Variants in RXRB observed in about 807,000 individuals in gnomAD.
RXRB encodes the protein retinoid X receptor beta, also known as retinoic acid receptor RXR-beta.
RXRB carries 18 observed loss-of-function variants against 52.5 expected under a neutral mutation model. That is an observed-to-expected ratio of 0.34 (90% confidence interval 0.24 to 0.51). The LOEUF (loss-of-function observed/expected upper bound fraction) is 0.51. RXRB is among the 20% of genes least tolerant of loss of function. The pLI, the probability that RXRB is intolerant of heterozygous loss-of-function variation, is 0.97. For synonymous variants in RXRB, 233 were observed against 267.1 expected (o/e 0.87, Z 1.25); for missense variants, 455 against 698.2 (o/e 0.65, Z 3.92).
upstream of RXRB, chr6:33,200,740 GCCTCGCCCAC>G: frequency 6.5e-7 from 1 of 1,544,140 alleles, no homozygotes; most frequent in South Asian, 1.2e-5. The surrounding 1 kb of genome is among the most constrained non-coding windows in gnomAD (Gnocchi z 6.3). Flanking sequence ...CTGTTAGCCC[GCCTCGCCCAC>G]CCTCCCCTCA....
rs778846229 is a variant in RXRB, at chr6:33,195,525, C to G, written c.1256+45G>C. 6 of 1,612,982 alleles carry G rather than the reference C, an allele frequency of 3.7e-6. No homozygotes were observed. The highest frequency in any genetic ancestry group is 3.4e-6 in the Non-Finnish European group (4 of 1,179,994). On this transcript the variant is annotated intron_variant, in intron 7 of 9. Coordinates refer to ENST00000374680, the MANE Select transcript of RXRB (RefSeq NM_021976.5). The surrounding 1 kb of genome is among the most constrained non-coding windows in gnomAD (Gnocchi z 8.6). ...CCTTGGACACGGACCAGCCTATAGC[C>G]CCACCCCCTCTATCTACATGCCAGC...
At chr6:33,198,622 G>A in intron 2 of RXRB, 158 bp from the exon 3 acceptor site, 2 of 761,688 alleles carry the variant, frequency 2.6e-6, no homozygotes, top group South Asian at 1.4e-5. Context: ...GCCATCCCTG[G>A]AGCACAACCC....
rs377199500 is a variant in RXRB, at chr6:33,195,867, G to A, written c.1123+40C>T. 1.8e-5 allele frequency: 29 copies of A among 1,610,650 alleles called. No homozygotes were observed. The highest frequency in any genetic ancestry group is 2.4e-5 in the Non-Finnish European group (28 of 1,179,414). On this transcript the variant is annotated intron_variant, in intron 6 of 9. Coordinates refer to ENST00000374680, the MANE Select transcript of RXRB (RefSeq NM_021976.5). This position sits in a 1 kb window ranked among gnomAD's most constrained non-coding sequence, Gnocchi z 8.6. The stretch of plus-strand genomic sequence containing the variant: ...CTAAAGATCGGGAAGTCAAAGAGGG[G>A]TCAAATGTCAAGAAGTCAAAGGGAT...
In RXRB at chr6:33,196,333, A is replaced by G; in HGVS notation, c.993+101T>C. On this transcript the variant is annotated intron_variant, in intron 5 of 9. Transcript: ENST00000374680. This position sits in a 1 kb window ranked among gnomAD's most constrained non-coding sequence, Gnocchi z 4.0. The stretch of plus-strand genomic sequence containing the variant: ...ACCTCCAGTCCCAAGTAGTGTTAGG[A>G]AGGTTATGAGGGGAAAGGAGGGGGA... The G allele has an allele frequency of 8.0e-7, 1 of 1,251,324 alleles. No individual in the cohort carries two copies. The highest frequency in any genetic ancestry group is 1.2e-6 in the Non-Finnish European group (1 of 853,256). 77.5% of individuals were successfully genotyped at this position (1,251,324 alleles called of 1,614,324 possible).
At chr6:33,198,028 T>C (rs1311670368) in intron 3 of RXRB, 87 bp from the exon 4 acceptor site, 6 of 1,427,450 alleles carry the variant, frequency 4.2e-6, no homozygotes, top group Non-Finnish European at 5.7e-6. Flanking sequence ...CTAGCAAAAC[T>C]TAAAGTCCTC....
Position 33,199,247 on chromosome 6 carries a change from G to T in RXRB, c.405C>A (p.Val135=). 8.9e-7 allele frequency: 1 copy of T among 1,129,422 alleles called. No homozygotes were observed. The highest frequency in any genetic ancestry group is 1.1e-6 in the Non-Finnish European group (1 of 881,622). The allele number at this position is 1,129,422 out of a possible 1,614,324, so 70.0% of individuals were successfully genotyped here. A position where few individuals can be genotyped will look rare whatever the true frequency, so the allele number is the denominator to read the frequency against. ...CAGGGGACCCCATGGAAGAACTGAT[G>T]ACTGGAAAGGGAGAGCCCAGTGGGG... ...PPPPLGSPFP[V]ISSSMGSPGL... Residue 135 remains valine, a synonymous_variant, in exon 2 of 10, where the codon GTC becomes GTA. Coordinates refer to ENST00000374680, the MANE Select transcript of RXRB (RefSeq NM_021976.5).
chr6:33,199,456 GAC>G (rs1774251186), intron 1 of RXRB, 40 bp from the exon 2 acceptor site: 2 of 1,266,122 alleles, frequency 1.6e-6, no homozygotes, highest in Non-Finnish European at 2.0e-6. Flanking sequence ...ACACACAAGA[GAC>G]AGAAGAGACA....
rs766388309 is a variant in RXRB, at chr6:33,195,204, G to A, written c.1349-154C>T. On this transcript the variant is annotated intron_variant, in intron 8 of 9. Coordinates refer to ENST00000374680, the MANE Select transcript of RXRB (RefSeq NM_021976.5). The surrounding 1 kb of genome is among the most constrained non-coding windows in gnomAD (Gnocchi z 8.6). ...GGGAAGCAGGGCCCACTGGGTTTGT[G>A]GGATGGATCCGTGGATGTGGGTTTT... The A allele has an allele frequency of 5.4e-5, 41 of 765,514 alleles. No homozygotes were observed. Among genetic ancestry groups the A allele is most frequent in the Non-Finnish European group, 8.7e-5 (39 of 447,984 alleles). The allele number at this position is 765,514 out of a possible 1,614,324, so 47.4% of individuals were successfully genotyped here. A position where few individuals can be genotyped will look rare whatever the true frequency, so the allele number is the denominator to read the frequency against.
In RXRB at chr6:33,200,336, CGCT is replaced by C. The variant is rs1449364226; in HGVS notation, c.138_140del (p.Ala52del). 2 of 1,583,740 alleles carry C rather than the reference CGCT, an allele frequency of 1.3e-6. No individual in the cohort carries two copies. Among genetic ancestry groups the C allele is most frequent in the Non-Finnish European group, 8.6e-7 (1 of 1,168,356 alleles). ...CGCCTGCCACCGCCGCCGCCGCCGC[CGCT>C]GCGGGATCCAGCCAGGGCCGTCGCC... On this transcript the variant is annotated inframe_deletion, in exon 1 of 10. Coordinates refer to ENST00000374680, the MANE Select transcript of RXRB (RefSeq NM_021976.5). The surrounding 1 kb of genome is among the most constrained non-coding windows in gnomAD (Gnocchi z 6.3).
At position 33,200,410 on chromosome 6, in the gene RXRB, C is replaced by A; in HGVS notation, c.67G>T (p.Gly23Trp). ...CCACAATGCATTTCTTTTCGCACCC[C>A]CACCGGCCCACACTGCCCTGCGGCA... The part of the protein sequence containing the change: ...RHAAGQCGPV[G>W]VRKEMHCGVA... Residue 23 changes from glycine to tryptophan, a missense_variant, in exon 1 of 10, where the codon GGG (glycine) becomes TGG (tryptophan). Gly to Trp is a radical substitution (Grantham distance 184, BLOSUM62 -2). Coordinates refer to ENST00000374680, the MANE Select transcript of RXRB (RefSeq NM_021976.5). This position sits in a 1 kb window ranked among gnomAD's most constrained non-coding sequence, Gnocchi z 6.3. 6.4e-7 allele frequency: 1 copy of A among 1,573,266 alleles called. No homozygotes were observed. The highest frequency in any genetic ancestry group is 2.3e-5 in the East Asian group (1 of 43,182).
rs558875333 is a variant in RXRB, at chr6:33,198,153, C to A, written c.640+155G>T. Among the ~76,000 whole-genome samples, 3 of 152,312 alleles carry A rather than the reference C, an allele frequency of 2.0e-5. No individual in the cohort carries two copies. In the East Asian group the frequency reaches 5.8e-4, roughly 29 times the overall value. The stretch of plus-strand genomic sequence containing the variant: ...TTCCTTTTCCCTCTGACCTTCCCCC[C>A]AATCGCGTCCTACATCTCAGCTTCA... On this transcript the variant is annotated intron_variant, in intron 3 of 9. Coordinates refer to ENST00000374680, the MANE Select transcript of RXRB (RefSeq NM_021976.5).
At position 33,196,088 on chromosome 6, in the gene RXRB, C is replaced by A; in HGVS notation, c.994-52G>T. On this transcript the variant is annotated intron_variant, in intron 5 of 9. Transcript: ENST00000374680. This position sits in a 1 kb window ranked among gnomAD's most constrained non-coding sequence, Gnocchi z 4.0. Reference sequence around the variant, plus strand: ...GGAAGATTTTGAGATATGCTGGGAGCCCCCTTGTAAGAGGCTTTTGACACC... The same window carrying A: ...GGAAGATTTTGAGATATGCTGGGAGACCCCTTGTAAGAGGCTTTTGACACC... The A allele has an allele frequency of 2.5e-6, 4 of 1,608,676 alleles. No individual in the cohort carries two copies. Among genetic ancestry groups the A allele is most frequent in the Non-Finnish European group, 3.4e-6 (4 of 1,176,796 alleles).
At position 33,200,169 on chromosome 6, in the gene RXRB, G is replaced by C; in HGVS notation, c.235+73C>G. 2 of 1,566,112 alleles carry C rather than the reference G, an allele frequency of 1.3e-6. No individual in the cohort carries two copies. Among genetic ancestry groups the C allele is most frequent in the South Asian group, 1.1e-5 (1 of 88,272 alleles). On this transcript the variant is annotated intron_variant, in intron 1 of 9. Transcript: ENST00000374680. This position sits in a 1 kb window ranked among gnomAD's most constrained non-coding sequence, Gnocchi z 6.3. Reference sequence around the variant, plus strand: ...GCGGGAGCGCAAGGAAAAGAGCACCGGGGGAGGGTGTGGGGGAGGGGTCGC... The same window carrying C: ...GCGGGAGCGCAAGGAAAAGAGCACCCGGGGAGGGTGTGGGGGAGGGGTCGC...
chr6:33,196,941 A>C lies in RXRB; in HGVS notation c.821-335T>G, dbSNP rs1373362915. On this transcript the variant is annotated intron_variant, in intron 4 of 9. Transcript: ENST00000374680. The surrounding 1 kb of genome is among the most constrained non-coding windows in gnomAD (Gnocchi z 4.0). ...TTTTAAATAAAATATGCCAAGAAACATGCTAAGCACATTTTACCATTCACT... is the reference window on the plus strand; with the variant it reads ...TTTTAAATAAAATATGCCAAGAAACCTGCTAAGCACATTTTACCATTCACT... Among the ~76,000 whole-genome samples, 1 of 152,244 alleles carries C rather than the reference A, an allele frequency of 6.6e-6. No individual in the cohort carries two copies. Among genetic ancestry groups the C allele is most frequent in the African/African-American group, 2.4e-5 (1 of 41,454 alleles).
Position 33,197,694 on chromosome 6 carries a change from A to C in RXRB, c.820+68T>G, listed in dbSNP as rs564470759. The C allele has an allele frequency of 6.9e-7, 1 of 1,452,508 alleles. No homozygotes were observed. The highest frequency in any genetic ancestry group is 2.3e-5 in the East Asian group (1 of 43,900). 90.0% of individuals were successfully genotyped at this position (1,452,508 alleles called of 1,614,324 possible). A position where few individuals can be genotyped will look rare whatever the true frequency, so the allele number is the denominator to read the frequency against. ...GAGCAGTCCACCCTTCCAGAGAGGT[A>C]CACAGTCTGAGTGGGATAAGGGAGA... On this transcript the variant is annotated intron_variant, in intron 4 of 9. Transcript: ENST00000374680. This position sits in a 1 kb window ranked among gnomAD's most constrained non-coding sequence, Gnocchi z 4.4.
Position 33,194,909 on chromosome 6 carries a change from C to A in RXRB, c.1454+36G>T, listed in dbSNP as rs984716943. 5 of 1,610,548 alleles carry A rather than the reference C, an allele frequency of 3.1e-6. No individual in the cohort carries two copies. The highest frequency in any genetic ancestry group is 1.1e-5 in the South Asian group (1 of 91,028). ...CACATCCTCATAGCACTCCCCACCC[C>A]CAAGGGAGCCTCAGTGCCCCCCAGC... is the stretch of plus-strand genomic sequence containing the variant. On this transcript the variant is annotated intron_variant, in intron 9 of 9. Coordinates refer to ENST00000374680, the MANE Select transcript of RXRB (RefSeq NM_021976.5). This position sits in a 1 kb window ranked among gnomAD's most constrained non-coding sequence, Gnocchi z 4.1.
In RXRB at chr6:33,197,644, C is replaced by G; in HGVS notation, c.820+118G>C. The G allele has an allele frequency of 1.1e-6, 1 of 916,468 alleles. No homozygotes were observed. The highest frequency in any genetic ancestry group is 1.6e-6 in the Non-Finnish European group (1 of 612,826). The allele number at this position is 916,468 out of a possible 1,614,324, so 56.8% of individuals were successfully genotyped here. A position where few individuals can be genotyped will look rare whatever the true frequency, so the allele number is the denominator to read the frequency against. ...GAGAGCTGCGAAGGGAGAGAGAAAT[C>G]AAATATCGCCCTCTAGAGGAGAGAG... On this transcript the variant is annotated intron_variant, in intron 4 of 9. Transcript: ENST00000374680. This position sits in a 1 kb window ranked among gnomAD's most constrained non-coding sequence, Gnocchi z 4.4.
intron 2 of RXRB, among the ~76,000 whole-genome samples, chr6:33,198,913 C>CAAA (rs9280361): frequency 5.9e-4 from 44 of 74,052 alleles, no homozygotes; most frequent in African/African-American, 8.0e-4. Context: ...GACTCCATCT[C>CAAA]AAAAAAAAAA....
chr6:33,200,771 A>G (rs1340793515), upstream of RXRB: 1 of 1,532,760 alleles, frequency 6.5e-7, no homozygotes, highest in East Asian at 2.5e-5. The surrounding 1 kb of genome is among the most constrained non-coding windows in gnomAD (Gnocchi z 6.3). Flanking sequence ...AATCACCTCC[A>G]CACTCGCGCA....
Sources: gnomAD v4.1 joint callset for allele counts (sites outside exome capture counted in the v4.1 genomes callset) on GRCh38, gnomAD v4.1.1 for gene constraint, Gnocchi (gnomAD v3.1) non-coding constraint, MANE v1.5 for transcripts, NCBI Gene and HGNC (gene_info 2026-07-23, HGNC 2026-07-21) for gene names.